The following ST7 variants were observed in gnomAD, a reference collection of about 807,000 sequenced individuals.
ST7 encodes the protein suppressor of tumorigenicity 7 protein.
A neutral mutation model predicts 78.7 loss-of-function variants in ST7; 28 were observed. That is an observed-to-expected ratio of 0.36 (90% CI 0.26 to 0.49). The LOEUF is 0.49. ST7 is among the 20% of genes least tolerant of loss of function. The pLI is 0.99. For missense variants in ST7, 418 were observed against 696.0 expected, an observed-to-expected ratio of 0.60 and a Z score of 4.49; for synonymous variants, 247 against 249.6, an observed-to-expected ratio of 0.99 and a Z score of 0.10.
Position 117,130,705 on chromosome 7 carries a change from A to G in ST7, c.565+99A>G, listed in dbSNP as rs558278777. 57 of 747,370 alleles carry G rather than the reference A, an allele frequency of 7.6e-5. No homozygotes were observed. The South Asian group carries it at 9.7e-4, about 13-fold the overall frequency. The allele number at this position is 747,370 out of a possible 1,614,324, so 46.3% of individuals were successfully genotyped here. A position where few individuals can be genotyped will look rare whatever the true frequency, so the allele number is the denominator to read the frequency against. ...TATCCACTCTGTAAAACTCCAATGAATAAAATATTAAATTGTTGATTGACT... is the reference window on the plus strand; with the variant it reads ...TATCCACTCTGTAAAACTCCAATGAGTAAAATATTAAATTGTTGATTGACT... On this transcript the variant is annotated intron_variant, in intron 5 of 15. Coordinates refer to ENST00000323984, the MANE Select transcript of ST7 (RefSeq NM_001369598.1).
At chr7:117,077,844 CTTTT>C (rs1186348708) in intron 1 of ST7, among the ~76,000 whole-genome samples, 4 of 120,920 alleles carry the variant, frequency 3.3e-5, no homozygotes, top group Non-Finnish European at 3.6e-5. Context: ...TGATTTCTTT[CTTTT>C]TTTTTTTTTT....
chr7:116,999,377 G>A lies in ST7; in HGVS notation c.151+45686G>A, dbSNP rs548032513. ...ATACTAAGCATCTTAGATACTTGGA[G>A]TTCAGCCTTCAGGGCCCCTTCTTGG... On this transcript the variant is annotated intron_variant, in intron 1 of 15. Coordinates refer to ENST00000323984, the MANE Select transcript of ST7 (RefSeq NM_001369598.1). Among the ~76,000 whole-genome samples, 3 of 152,290 alleles carry A rather than the reference G, an allele frequency of 2.0e-5. No individual in the cohort carries two copies. The South Asian group carries it at 6.2e-4, about 32-fold the overall frequency.
chr7:117,230,106 AT>A lies in ST7; in HGVS notation c.*252del. Reference sequence around the variant, plus strand: ...AAAACTTTTGTGTATTACAGCAATCATTTGTATCCTCCTGTGTCTTCCAACC... The same window carrying A: ...AAAACTTTTGTGTATTACAGCAATCATTGTATCCTCCTGTGTCTTCCAACC... On this transcript the variant is annotated 3_prime_UTR_variant, in exon 16 of 16. Transcript: ENST00000323984. 3.1e-6 allele frequency: 2 copies of A among 654,858 alleles called. No individual in the cohort carries two copies. Among genetic ancestry groups the A allele is most frequent in the Non-Finnish European group, 2.8e-6 (1 of 352,216 alleles). The allele number at this position is 654,858 out of a possible 1,614,324, so 40.6% of individuals were successfully genotyped here.
rs534660707 is a variant in ST7, at chr7:116,993,299, T to A, written c.151+39608T>A. ...GTTTAATTGGACTTACAATTCCACA[T>A]GGCTGGGGAGGCCTCAGAATCATGG... On this transcript the variant is annotated intron_variant, in intron 1 of 15. Coordinates refer to ENST00000323984, the MANE Select transcript of ST7 (RefSeq NM_001369598.1). 3.3e-5 allele frequency among the ~76,000 whole-genome samples: 5 copies of A among 152,336 alleles called. No homozygotes were observed. The South Asian group carries it at 1.0e-3, about 32-fold the overall frequency.
intron 1 of ST7, among the ~76,000 whole-genome samples, chr7:117,086,076 T>C (rs1381343114): frequency 6.6e-6 from 1 of 152,202 alleles, no homozygotes. Context: ...CTTTTTTCTT[T>C]TCTTTCTTGA....
At chr7:117,117,807 T>G (rs1803008907) in intron 2 of ST7, 2 of 152,176 alleles carry the variant, frequency 1.3e-5, no homozygotes, top group South Asian at 2.1e-4. Flanking sequence ...GTGTTTTACA[T>G]GGGGTTAGTA....
intron 1 of ST7, among the ~76,000 whole-genome samples, chr7:117,071,630 G>A (rs1798967262): frequency 6.6e-6 from 1 of 152,176 alleles, no homozygotes; most frequent in African/African-American, 2.4e-5. Flanking sequence ...AGTAATATTT[G>A]TATGGCACAC....
At chr7:116,961,564 G>GTGTT (rs1792827498) in intron 1 of ST7, among the ~76,000 whole-genome samples, 1 of 149,532 alleles carries the variant, frequency 6.7e-6, no homozygotes, top group South Asian at 2.1e-4. Flanking sequence ...ACGTGTGTGT[G>GTGTT]TGTGTGTGTG....
intron 2 of ST7, among the ~76,000 whole-genome samples, chr7:117,104,942 G>C (rs1801839456): frequency 6.6e-6 from 1 of 152,108 alleles, no homozygotes; most frequent in Non-Finnish European, 1.5e-5. Context: ...ATGATCTTGA[G>C]GTTACAGAAA....
intron 1 of ST7, among the ~76,000 whole-genome samples, chr7:116,970,504 TGTGTCCTCACATGGAAGAGAGCA>T (rs1350863168): frequency 2.0e-5 from 3 of 152,194 alleles, no homozygotes; most frequent in African/African-American, 7.2e-5. Flanking sequence ...GCCTTCTCCT[TGTGTCCTCACATGGAAGAGAGCA>T]GAGAGAGGAA....
chr7:117,147,840 T>G (rs1234836720), intron 9 of ST7, among the ~76,000 whole-genome samples: 1 of 152,170 alleles, frequency 6.6e-6, no homozygotes, highest in Non-Finnish European at 1.5e-5. Context: ...CTGTATAGTA[T>G]GTTTTACCCC....
intron 8 of ST7, chr7:117,137,068 A>T (rs1439374784): frequency 1.3e-5 from 2 of 152,114 alleles, no homozygotes; most frequent in Non-Finnish European, 2.9e-5. Flanking sequence ...AAAATTCACA[A>T]AGTTATTTTG....
At chr7:117,153,807 T>C (rs898402992) in intron 9 of ST7, among the ~76,000 whole-genome samples, 1 of 152,184 alleles carries the variant, frequency 6.6e-6, no homozygotes, top group Admixed American at 6.5e-5. Flanking sequence ...GAATGTGAGG[T>C]AAGATGTCTA....
intron 3 of ST7, among the ~76,000 whole-genome samples, chr7:117,128,634 C>A (rs1419951501): frequency 1.3e-5 from 2 of 151,774 alleles, no homozygotes; most frequent in Admixed American, 6.6e-5. Flanking sequence ...ACTATTTTAA[C>A]AAATATTTGT....
intron 15 of ST7, among the ~76,000 whole-genome samples, chr7:117,228,377 T>C (rs1233688527): frequency 6.6e-6 from 1 of 152,226 alleles, no homozygotes; most frequent in African/African-American, 2.4e-5. Flanking sequence ...AGTTTAGTTT[T>C]GAACTACACC....
intron 1 of ST7, among the ~76,000 whole-genome samples, chr7:117,031,853 TATATC>T (rs1796604030): frequency 4.9e-5 from 1 of 20,216 alleles, no homozygotes; most frequent in African/African-American, 1.8e-4. Context: ...TATCTATATC[TATATC>T]TATCTATCTA....
At chr7:117,221,664 T>A (rs908085744) in intron 14 of ST7, among the ~76,000 whole-genome samples, 3 of 152,168 alleles carry the variant, frequency 2.0e-5, no homozygotes, top group Non-Finnish European at 4.4e-5. Context: ...TTCCCTCCCA[T>A]GAAGGCGTGA....
chr7:117,132,139 T>C (rs1804411049), intron 6 of ST7, among the ~76,000 whole-genome samples, 179 bp downstream of exon 6: 1 of 151,636 alleles, frequency 6.6e-6, no homozygotes, highest in African/African-American at 2.4e-5. Context: ...CATGTGGAGG[T>C]GGTTTTAGTC....
At chr7:117,068,127 A>G (rs950843971) in intron 1 of ST7, among the ~76,000 whole-genome samples, 2 of 152,188 alleles carry the variant, frequency 1.3e-5, no homozygotes, top group Non-Finnish European at 2.9e-5. Context: ...GCAACATCAT[A>G]TGTTATTGTA....
Sources: gnomAD v4.1 joint callset for allele counts (sites outside exome capture counted in the v4.1 genomes callset) on GRCh38, gnomAD v4.1.1 for gene constraint, MANE v1.5 for transcripts, NCBI Gene and HGNC (gene_info 2026-07-23, HGNC 2026-07-21) for gene names.